Variants in USP20 observed in about 807,000 individuals in gnomAD.
The protein encoded by USP20 is ubiquitin carboxyl-terminal hydrolase 20.
In USP20, 80 loss-of-function variants were observed where a neutral mutation model predicts 124.2. That is an observed-to-expected ratio of 0.64 (90% CI 0.54 to 0.78). USP20 has a LOEUF of 0.78. Among genes scored for constraint, USP20 ranks in the 30% least tolerant of loss-of-function variants. USP20 has a pLI of 0.00. For synonymous variants in USP20, 481 were observed against 512.3 expected (o/e 0.94, Z 0.83); for missense variants, 1,043 against 1,244.4 (o/e 0.84, Z 2.44).
In USP20 at chr9:129,879,714, G is replaced by A. The variant is rs773751593; in HGVS notation, c.2584+70G>A. ...GGCTGCCAGGCTGCTGCCCAGTCCC[G>A]TCCTTCCAGGAGCCCCCTTACCACC... On this transcript the variant is annotated intron_variant, in intron 24 of 25. Coordinates refer to ENST00000372429, the MANE Select transcript of USP20 (RefSeq NM_001110303.4). This position sits in a 1 kb window ranked among gnomAD's most constrained non-coding sequence, Gnocchi z 4.2. 250 of 1,555,676 alleles carry A rather than the reference G, an allele frequency of 1.6e-4. No homozygotes were observed. Among genetic ancestry groups the A allele is most frequent in the Non-Finnish European group, 1.4e-4 (160 of 1,129,470 alleles).
At position 129,870,561 on chromosome 9, in the gene USP20, C is replaced by T. The variant is rs777874427; in HGVS notation, c.1660+14C>T. 22 of 1,613,822 alleles carry T rather than the reference C, an allele frequency of 1.4e-5. No homozygotes were observed. In the South Asian group the frequency reaches 2.3e-4, roughly 17 times the overall value. ...ATGAGTTAAAGGGTGAGGGGCCTGG[C>T]TGGCAAGGGTCGGGGAGGTGGAGGG... On this transcript the variant is annotated intron_variant, in intron 15 of 25. Coordinates refer to ENST00000372429, the MANE Select transcript of USP20 (RefSeq NM_001110303.4).
intron 3 of USP20, 151 bp downstream of exon 3, chr9:129,852,787 A>G (rs530866733): frequency 6.2e-6 from 5 of 803,496 alleles, no homozygotes; most frequent in Admixed American, 2.7e-5. Context: ...TCTGCTTGGG[A>G]GGCCGCCTTC....
chr9:129,841,977 C>A (rs1326331892), intron 1 of USP20, among the ~76,000 whole-genome samples: 1 of 152,038 alleles, frequency 6.6e-6, no homozygotes, highest in African/African-American at 2.4e-5. Context: ...TTTCAGTGTC[C>A]TAATGTATAG....
At chr9:129,864,194 T>C (rs3861884) in intron 9 of USP20, among the ~76,000 whole-genome samples, 132,929 of 151,494 alleles carry the variant, frequency 0.88, 58,680 homozygotes, top group East Asian at 1. Flanking sequence ...TGGGGCCAGA[T>C]GCAGTCACTG....
At chr9:129,857,066 A>G (rs2033252660) in intron 4 of USP20, among the ~76,000 whole-genome samples, 1 of 152,072 alleles carries the variant, frequency 6.6e-6, no homozygotes. Flanking sequence ...TAAAAAAAAA[A>G]ACCCACGAGT....
At chr9:129,840,869 C>A (rs2032166506) in intron 1 of USP20, among the ~76,000 whole-genome samples, 1 of 149,352 alleles carries the variant, frequency 6.7e-6, no homozygotes, top group African/African-American at 2.5e-5. Context: ...CTCCCAGGTT[C>A]AAGTGATTCT....
chr9:129,873,538 T>C (rs756018862), intron 16 of USP20, 23 bp downstream of exon 16: 5 of 1,613,992 alleles, frequency 3.1e-6, no homozygotes, highest in Middle Eastern at 3.3e-4. Context: ...TCCCCCGCCT[T>C]CTCCCTAACT....
At chr9:129,858,016 A>G (rs2033303811) in intron 4 of USP20, 34 bp from the exon 5 acceptor site, 1 of 1,598,906 alleles carries the variant, frequency 6.3e-7, no homozygotes, top group Non-Finnish European at 8.6e-7. Flanking sequence ...CCTTTTGGCA[A>G]GCTCCAGTCC....
intron 15 of USP20, 108 bp from the exon 16 acceptor site, chr9:129,873,374 A>G (rs1809959): frequency 0.9 from 1,291,293 of 1,428,698 alleles, 585,854 homozygotes; most frequent in East Asian, 1. Flanking sequence ...ATGAGCCACC[A>G]TGCCCAGCCA....
In USP20 at chr9:129,856,320, C is replaced by A; in HGVS notation, c.95C>A (p.Ser32Ter). 6.2e-7 allele frequency: 1 copy of A among 1,614,180 alleles called. No homozygotes were observed. Among genetic ancestry groups the A allele is most frequent in the Non-Finnish European group, 8.5e-7 (1 of 1,180,018 alleles). The part of the protein sequence containing the change: ...LLLKSKGTCQ[S>*]CGVTGPNLWA... ...CAACTCACACAGGGAACCTGTCAGT[C>A]GTGTGGGGTCACCGGACCAAACCTA... The change falls in exon 4 of 26, where the codon TCG (serine) becomes TAG (stop). Residue 32 changes from serine to a stop codon, truncating the protein, a stop_gained. Transcript: ENST00000372429. LOFTEE classifies it high-confidence loss of function.
chr9:129,866,300 AC>A (rs1403748696), intron 10 of USP20, among the ~76,000 whole-genome samples: 1 of 152,242 alleles, frequency 6.6e-6, no homozygotes, highest in Non-Finnish European at 1.5e-5. Context: ...GAAGCTCAGC[AC>A]TGCCTGGACA....
At chr9:129,865,960 T>C (rs1036732901) in intron 10 of USP20, among the ~76,000 whole-genome samples, 1 of 152,182 alleles carries the variant, frequency 6.6e-6, no homozygotes, top group Non-Finnish European at 1.5e-5. Context: ...TGATTAAAAA[T>C]TTTTTTTAAA....
At chr9:129,863,385 T>TCC in intron 9 of USP20, 86 bp downstream of exon 9, 1 of 1,110,728 alleles carries the variant, frequency 9.0e-7, no homozygotes, top group Non-Finnish European at 1.3e-6. Flanking sequence ...TCCTGTGGAT[T>TCC]CAGCCCCCAG....
intron 6 of USP20, 49 bp downstream of exon 6, chr9:129,858,647 G>A (rs908811417): frequency 6.2e-7 from 1 of 1,600,612 alleles, no homozygotes; most frequent in Non-Finnish European, 8.5e-7. Context: ...ACTGTGTTGA[G>A]GATGAGGCAG....
chr9:129,863,101 C>T, intron 8 of USP20, 85 bp from the exon 9 acceptor site: 2 of 1,098,036 alleles, frequency 1.8e-6, no homozygotes, highest in Non-Finnish European at 2.5e-6. Context: ...TGCGAGCACT[C>T]AGGGCTCCCC....
At chr9:129,876,291 A>T in intron 22 of USP20, 53 bp downstream of exon 22, 1 of 1,494,138 alleles carries the variant, frequency 6.7e-7, no homozygotes, top group Non-Finnish European at 9.2e-7. Flanking sequence ...TGCCTGGGGC[A>T]GCTGGGGACT....
At chr9:129,855,922 G>GCA (rs1418809063) in intron 3 of USP20, among the ~76,000 whole-genome samples, 1 of 152,106 alleles carries the variant, frequency 6.6e-6, no homozygotes, top group Non-Finnish European at 1.5e-5. Context: ...CTTTCATGGC[G>GCA]CCCTTGTCTA....
intron 2 of USP20, among the ~76,000 whole-genome samples, chr9:129,851,914 T>C (rs925318938): frequency 6.6e-6 from 1 of 152,120 alleles, no homozygotes; most frequent in Non-Finnish European, 1.5e-5. Context: ...CTCTCTGACT[T>C]TCTCCCTGCT....
At chr9:129,851,573 C>T (rs959231768) in intron 2 of USP20, among the ~76,000 whole-genome samples, 5 of 139,552 alleles carry the variant, frequency 3.6e-5, no homozygotes, top group African/African-American at 1.3e-4. Context: ...TGTAACCACC[C>T]CACACTCAAG....
Sources: gnomAD v4.1 joint callset for allele counts (sites outside exome capture counted in the v4.1 genomes callset) on GRCh38, gnomAD v4.1.1 for gene constraint, Gnocchi (gnomAD v3.1) non-coding constraint, MANE v1.5 for transcripts, NCBI Gene and HGNC (gene_info 2026-07-23, HGNC 2026-07-21) for gene names.